The following CYP39A1 variants were observed in gnomAD, a reference collection of about 807,000 sequenced individuals.
CYP39A1 encodes 24-hydroxycholesterol 7-alpha-hydroxylase.
In CYP39A1, 49 loss-of-function variants were observed where a neutral mutation model predicts 58.1. The ratio of observed to expected loss-of-function variants is 0.84; its 90% CI spans 0.67 to 1.07. CYP39A1 has a LOEUF of 1.07. Among genes scored for constraint, CYP39A1 ranks in the 50% least tolerant of loss-of-function variants. CYP39A1 has a pLI of 0.00. For missense variants in CYP39A1, 531 were observed against 539.4 expected (o/e 0.98, Z 0.16); for synonymous variants, 209 against 187.6 (o/e 1.11, Z -0.93).
intron 10 of CYP39A1, 62 bp downstream of exon 10, chr6:46,587,015 C>A: frequency 4.3e-6 from 5 of 1,169,198 alleles, no homozygotes; most frequent in Non-Finnish European, 6.3e-6. Context: ...AAGTTGTTCC[C>A]CTCTGAGCCA....
chr6:46,576,422 G>A (rs1771848661), intron 10 of CYP39A1, among the ~76,000 whole-genome samples: 1 of 152,122 alleles, frequency 6.6e-6, no homozygotes, highest in Admixed American at 6.5e-5. Context: ...CAAGAATTCT[G>A]GCAACTCTGA....
chr6:46,602,250 T>C (rs116150685), intron 7 of CYP39A1, among the ~76,000 whole-genome samples: 2,536 of 152,246 alleles, frequency 0.017, 76 homozygotes, highest in African/African-American at 0.058. Flanking sequence ...GGGAGGTATG[T>C]AGAGAAGTCA....
intron 1 of CYP39A1, among the ~76,000 whole-genome samples, chr6:46,651,979 T>C (rs1429991690): frequency 1.3e-5 from 2 of 152,244 alleles, no homozygotes; most frequent in African/African-American, 4.8e-5. Flanking sequence ...AGCCTGTTTA[T>C]TGTGTACGGA....
chr6:46,635,529 G>T (rs754412259), intron 5 of CYP39A1, among the ~76,000 whole-genome samples: 1 of 152,110 alleles, frequency 6.6e-6, no homozygotes, highest in African/African-American at 2.4e-5. Context: ...AAAGCAGATT[G>T]TCTACCTCAG....
chr6:46,648,161 G>A (rs562009025), intron 1 of CYP39A1, among the ~76,000 whole-genome samples: 15 of 152,026 alleles, frequency 9.9e-5, no homozygotes, highest in African/African-American at 3.6e-4. Context: ...CCCATTACTG[G>A]GTATATACCC....
chr6:46,550,137 T>A lies in CYP39A1; in HGVS notation c.*229A>T. 2.7e-6 allele frequency: 1 copy of A among 367,486 alleles called. No individual in the cohort carries two copies. Among genetic ancestry groups the A allele is most frequent in the Non-Finnish European group, 4.8e-6 (1 of 206,558 alleles). 22.8% of individuals were successfully genotyped at this position (367,486 alleles called of 1,614,324 possible). On this transcript the variant is annotated 3_prime_UTR_variant, in exon 12 of 12. Coordinates refer to ENST00000275016, the MANE Select transcript of CYP39A1 (RefSeq NM_016593.5). The stretch of plus-strand genomic sequence containing the variant: ...TGTGGAGTTTTTTTGGATCATTTGA[T>A]CATTTCCTATAAACCATGTATTCCG...
At chr6:46,575,665 A>G (rs927082326) in intron 10 of CYP39A1, among the ~76,000 whole-genome samples, 7 of 152,208 alleles carry the variant, frequency 4.6e-5, no homozygotes, top group African/African-American at 1.7e-4. Flanking sequence ...CTTTTGCCAG[A>G]AGCTCCAGTC....
chr6:46,649,487 C>T (rs553093739), intron 1 of CYP39A1, among the ~76,000 whole-genome samples: 36 of 152,064 alleles, frequency 2.4e-4, no homozygotes, highest in South Asian at 4.1e-4. Flanking sequence ...ATATGTCTAT[C>T]GATGAGGAAA....
At chr6:46,622,321 G>A (rs1004611861) in intron 7 of CYP39A1, among the ~76,000 whole-genome samples, 1 of 151,822 alleles carries the variant, frequency 6.6e-6, no homozygotes, top group African/African-American at 2.4e-5. Context: ...AAATTTTATG[G>A]TATGTTAATT....
At chr6:46,618,082 G>A (rs1774721251) in intron 7 of CYP39A1, among the ~76,000 whole-genome samples, 1 of 152,098 alleles carries the variant, frequency 6.6e-6, no homozygotes, top group Admixed American at 6.6e-5. Context: ...TTCATGATGT[G>A]GGAGGATTAT....
chr6:46,577,547 T>C (rs1215600476), intron 10 of CYP39A1, among the ~76,000 whole-genome samples: 1 of 151,982 alleles, frequency 6.6e-6, no homozygotes, highest in African/African-American at 2.4e-5. Flanking sequence ...TCACATGCAA[T>C]GACACCCAAA....
chr6:46,640,497 T>TG (rs1776262419), intron 2 of CYP39A1, among the ~76,000 whole-genome samples: 1 of 152,238 alleles, frequency 6.6e-6, no homozygotes, highest in African/African-American at 2.4e-5. Context: ...TTAGTATTCG[T>TG]GCTCCTTCTA....
intron 10 of CYP39A1, among the ~76,000 whole-genome samples, chr6:46,584,895 C>T (rs889293043): frequency 2.0e-5 from 3 of 152,110 alleles, no homozygotes; most frequent in African/African-American, 7.2e-5. Flanking sequence ...GACCAGAAAT[C>T]CTTGCAGTTA....
At chr6:46,636,639 G>C (rs1056102711) in intron 4 of CYP39A1, among the ~76,000 whole-genome samples, 157 bp from the exon 5 acceptor site, 3 of 152,222 alleles carry the variant, frequency 2.0e-5, no homozygotes, top group African/African-American at 7.2e-5. Context: ...CCTTCGGAAT[G>C]ATTAGTCCAC....
chr6:46,555,116 A>G (rs1372586903), intron 10 of CYP39A1, among the ~76,000 whole-genome samples: 1 of 151,994 alleles, frequency 6.6e-6, no homozygotes, highest in Non-Finnish European at 1.5e-5. Context: ...CCAGCCCTTG[A>G]AGATCTGCCC....
chr6:46,636,356 T>C (rs1775989286), intron 5 of CYP39A1, 33 bp downstream of exon 5: 1 of 1,447,862 alleles, frequency 6.9e-7, no homozygotes, highest in Non-Finnish European at 9.6e-7. Flanking sequence ...TTACTATCTT[T>C]ACATTAGCAA....
intron 10 of CYP39A1, among the ~76,000 whole-genome samples, chr6:46,567,266 A>G (rs1176283423): frequency 6.6e-6 from 1 of 152,110 alleles, no homozygotes; most frequent in Non-Finnish European, 1.5e-5. Flanking sequence ...TTCACTTAGT[A>G]TAATGTCTTC....
rs527400788 is a variant in CYP39A1 at position 46,568,724 on chromosome 6, C to T, written c.1251-14870G>A. Among the ~76,000 whole-genome samples the T allele has an allele frequency of 3.9e-4, 59 of 152,078 alleles. No homozygotes were observed. The South Asian group carries it at 5.0e-3, about 13-fold the overall frequency. On this transcript the variant is annotated intron_variant, in intron 10 of 11. Transcript: ENST00000275016. ...ATATTCCAGGGTCTATTTCTGGGCTCTCTATTCTATTGTATTGGTCTACAT... is the reference window on the plus strand; with the variant it reads ...ATATTCCAGGGTCTATTTCTGGGCTTTCTATTCTATTGTATTGGTCTACAT...
Position 46,598,245 on chromosome 6 carries a change from T to C in CYP39A1, c.932-2125A>G, listed in dbSNP as rs146293656. 3.8e-3 allele frequency among the ~76,000 whole-genome samples: 577 copies of C among 152,298 alleles called. 4 individuals are homozygous for C. The highest frequency in any genetic ancestry group is 5.5e-3 in the Admixed American group (84 of 15,286). ...TACACTGTTATTCTCAAACTTTTTG[T>C]AACATGGAATCTGTCTTCTACCAAT... is the stretch of plus-strand genomic sequence containing the variant. On this transcript the variant is annotated intron_variant, in intron 7 of 11. Transcript: ENST00000275016.
Sources: gnomAD v4.1 joint callset for allele counts (sites outside exome capture counted in the v4.1 genomes callset) on GRCh38, gnomAD v4.1.1 for gene constraint, MANE v1.5 for transcripts, NCBI Gene and HGNC (gene_info 2026-07-23, HGNC 2026-07-21) for gene names.